SCAPER: variants seen among roughly 807,000 people sequenced by gnomAD.
SCAPER encodes S phase cyclin A-associated protein in the endoplasmic reticulum.
A neutral mutation model predicts 182.2 loss-of-function variants in SCAPER; 98 were observed. That is an observed-to-expected ratio of 0.54 (90% CI 0.46 to 0.64). The LOEUF (loss-of-function observed/expected upper bound fraction) is 0.64, where lower values mean the gene tolerates loss of function less well. Among genes scored for constraint, SCAPER ranks in the 30% least tolerant of loss-of-function variants. The pLI is 0.00. For synonymous variants in SCAPER, 605 were observed against 564.6 expected (o/e 1.07, Z -1.01); for missense variants, 1,432 against 1,690.0 (o/e 0.85, Z 2.68).
intron 25 of SCAPER, among the ~76,000 whole-genome samples, chr15:76,462,857 C>T (rs1294796823): frequency 2.0e-5 from 3 of 152,006 alleles, no homozygotes; most frequent in Non-Finnish European, 4.4e-5. Flanking sequence ...ATGGGCAGTC[C>T]GTTAAGTAAA....
chr15:76,606,600 A>G (rs1042271706), intron 22 of SCAPER, among the ~76,000 whole-genome samples: 1 of 151,376 alleles, frequency 6.6e-6, no homozygotes, highest in African/African-American at 2.4e-5. Context: ...TGATCTGTCT[A>G]ATGTTGACAG....
chr15:76,849,128 C>T (rs1173390289), intron 4 of SCAPER, among the ~76,000 whole-genome samples: 2 of 152,154 alleles, frequency 1.3e-5, no homozygotes, highest in Admixed American at 1.3e-4. Flanking sequence ...CCCTGTGAGC[C>T]TTCAACTCCC....
At chr15:76,605,265 C>A (rs1233712173) in intron 22 of SCAPER, among the ~76,000 whole-genome samples, 1 of 152,122 alleles carries the variant, frequency 6.6e-6, no homozygotes, top group Non-Finnish European at 1.5e-5. Context: ...GCCTTTTCTG[C>A]ATCTATTGAG....
chr15:76,462,065 C>T (rs1480151334), intron 25 of SCAPER, among the ~76,000 whole-genome samples: 2 of 152,168 alleles, frequency 1.3e-5, no homozygotes. Flanking sequence ...GAATATCCTC[C>T]TAACATTCTA....
chr15:76,868,402 A>C (rs991446201), intron 2 of SCAPER, among the ~76,000 whole-genome samples: 9 of 150,916 alleles, frequency 6.0e-5, no homozygotes, highest in African/African-American at 1.9e-4. Context: ...CAAAAAAAAA[A>C]CCAAAAAACC....
chr15:76,899,939 A>G (rs1026757920), intron 1 of SCAPER, among the ~76,000 whole-genome samples: 11 of 152,212 alleles, frequency 7.2e-5, no homozygotes, highest in African/African-American at 1.2e-4. Flanking sequence ...TCAGATTGTT[A>G]CTGTGTCTGT....
intron 24 of SCAPER, among the ~76,000 whole-genome samples, chr15:76,495,514 G>T (rs1292988327): frequency 7.1e-6 from 1 of 141,294 alleles, no homozygotes; most frequent in Non-Finnish European, 1.5e-5. Flanking sequence ...GGAGGCGGAG[G>T]TTGCAGTGAG....
At chr15:76,453,257 A>T (rs2048500583) in intron 25 of SCAPER, among the ~76,000 whole-genome samples, 1 of 152,226 alleles carries the variant, frequency 6.6e-6, no homozygotes, top group Admixed American at 6.5e-5. Flanking sequence ...ATCAGTCAGG[A>T]AATGAACACT....
intron 7 of SCAPER, among the ~76,000 whole-genome samples, chr15:76,799,810 G>A (rs1023897687): frequency 1.3e-4 from 20 of 152,098 alleles, no homozygotes; most frequent in Admixed American, 7.2e-4. Flanking sequence ...GGGGTCTTTT[G>A]GCTGTGGTAA....
At chr15:76,677,815 C>G (rs532710682) in intron 20 of SCAPER, among the ~76,000 whole-genome samples, 25 of 151,168 alleles carry the variant, frequency 1.7e-4, no homozygotes, top group African/African-American at 5.8e-4. Context: ...CCTTGATAGT[C>G]TATCAGACTC....
chr15:76,790,538 T>C (rs956698556), intron 8 of SCAPER, among the ~76,000 whole-genome samples: 3 of 152,204 alleles, frequency 2.0e-5, no homozygotes, highest in African/African-American at 7.2e-5. Context: ...CTTGTGTTTT[T>C]CAAGGAATGT....
intron 28 of SCAPER, among the ~76,000 whole-genome samples, chr15:76,378,116 G>A (rs1463034180): frequency 6.6e-6 from 1 of 152,210 alleles, no homozygotes; most frequent in African/African-American, 2.4e-5. Flanking sequence ...CTCAAAGTCA[G>A]GTCATTCTGA....
At chr15:76,510,878 T>C (rs1312964478) in intron 23 of SCAPER, among the ~76,000 whole-genome samples, 1 of 151,946 alleles carries the variant, frequency 6.6e-6, no homozygotes, top group Non-Finnish European at 1.5e-5. Flanking sequence ...TGTGTGTGTG[T>C]GTGTGTGTGT....
intron 23 of SCAPER, among the ~76,000 whole-genome samples, chr15:76,522,880 T>C (rs1305698006): frequency 6.6e-6 from 1 of 152,082 alleles, no homozygotes; most frequent in Non-Finnish European, 1.5e-5. Context: ...TACAACTTCA[T>C]GTGATATGTT....
chr15:76,363,101 A>T (rs746783957), intron 29 of SCAPER, among the ~76,000 whole-genome samples: 1 of 152,240 alleles, frequency 6.6e-6, no homozygotes, highest in Non-Finnish European at 1.5e-5. Context: ...ATACCAGAGC[A>T]GTTGTTTAGG....
intron 20 of SCAPER, among the ~76,000 whole-genome samples, chr15:76,685,270 G>A (rs948208042): frequency 6.6e-6 from 1 of 151,630 alleles, no homozygotes; most frequent in Non-Finnish European, 1.5e-5. Flanking sequence ...GAGACAGAAT[G>A]CCACCGCTAC....
chr15:76,519,857 A>G (rs2042706479), intron 23 of SCAPER, among the ~76,000 whole-genome samples: 1 of 152,112 alleles, frequency 6.6e-6, no homozygotes, highest in South Asian at 2.1e-4. Flanking sequence ...GTTAGTTCCT[A>G]CTCTAGAGAG....
intron 25 of SCAPER, among the ~76,000 whole-genome samples, chr15:76,458,221 C>T (rs149110487): frequency 5.3e-5 from 8 of 151,580 alleles, no homozygotes; most frequent in Non-Finnish European, 7.4e-5. Flanking sequence ...GATATATATA[C>T]ACACACACAC....
chr15:76,704,015 T>C (rs1324306690), intron 18 of SCAPER, among the ~76,000 whole-genome samples: 2 of 152,196 alleles, frequency 1.3e-5, no homozygotes, highest in African/African-American at 4.8e-5. Context: ...AGACTGCCTA[T>C]GGTTGTAGTA....
Sources: gnomAD v4.1 joint callset for allele counts (sites outside exome capture counted in the v4.1 genomes callset) on GRCh38, gnomAD v4.1.1 for gene constraint, MANE v1.5 for transcripts, NCBI Gene and HGNC (gene_info 2026-07-23, HGNC 2026-07-21) for gene names.